LEKR1: variants seen among roughly 807,000 people sequenced by gnomAD.
LEKR1 encodes leucine, glutamate and lysine rich 1.
LEKR1 carries 59 observed loss-of-function variants against 72.4 expected under a neutral mutation model. The ratio of observed to expected loss-of-function variants is 0.82; its 90% confidence interval spans 0.66 to 1.01. The LOEUF is 1.01. LEKR1 is among the 50% of genes least tolerant of loss of function. The pLI is 0.00. For synonymous variants in LEKR1, 257 were observed against 263.2 expected (o/e 0.98, Z 0.23); for missense variants, 728 against 759.2 (o/e 0.96, Z 0.48).
At chr3:157,040,570 G>A (rs1735275823) in intron 12 of LEKR1, among the ~76,000 whole-genome samples, 1 of 152,200 alleles carries the variant, frequency 6.6e-6, no homozygotes, top group Non-Finnish European at 1.5e-5. Context: ...GCCTTTGAAT[G>A]GAAGCTGGGA....
intron 6 of LEKR1, among the ~76,000 whole-genome samples, chr3:156,960,718 G>A (rs914440174): frequency 1.3e-5 from 2 of 151,776 alleles, no homozygotes. Flanking sequence ...GTTAATTCTG[G>A]TGCATATAGT....
At chr3:156,831,835 A>G (rs777362808) in intron 2 of LEKR1, among the ~76,000 whole-genome samples, 1 of 152,230 alleles carries the variant, frequency 6.6e-6, no homozygotes, top group Non-Finnish European at 1.5e-5. Context: ...GCCAAACCAT[A>G]TCAAATGACC....
At chr3:156,892,682 A>C (rs180744429) in intron 3 of LEKR1, among the ~76,000 whole-genome samples, 4 of 152,164 alleles carry the variant, frequency 2.6e-5, no homozygotes, top group African/African-American at 2.4e-5. Flanking sequence ...TTACCATTCA[A>C]CTTCCTTGAC....
At chr3:156,989,602 T>C (rs1730986878) in intron 7 of LEKR1, among the ~76,000 whole-genome samples, 1 of 152,228 alleles carries the variant, frequency 6.6e-6, no homozygotes, top group Non-Finnish European at 1.5e-5. Flanking sequence ...TTTGCCCATT[T>C]TTCTAACTGT....
chr3:156,903,395 C>T (rs1172340651), intron 3 of LEKR1, among the ~76,000 whole-genome samples: 1 of 151,846 alleles, frequency 6.6e-6, no homozygotes, highest in Non-Finnish European at 1.5e-5. Flanking sequence ...TAACTGTATA[C>T]TTCCCATTTT....
chr3:156,844,896 G>C (rs1264934501), intron 2 of LEKR1, among the ~76,000 whole-genome samples: 1 of 123,466 alleles, frequency 8.1e-6, no homozygotes, highest in East Asian at 2.4e-4. Flanking sequence ...ATGTTATATA[G>C]TAACTACAGG....
chr3:156,851,267 C>T (rs956931060), intron 2 of LEKR1: 1 of 152,166 alleles, frequency 6.6e-6, no homozygotes, highest in South Asian at 2.1e-4. Context: ...TTAGAAAGAC[C>T]TTCATGTGAA....
chr3:156,908,946 C>T lies in LEKR1; in HGVS notation c.264-11629C>T, dbSNP rs144967191. On this transcript the variant is annotated intron_variant, in intron 3 of 12. Transcript: ENST00000356539. ...CTTGAATTGTAGCTCCCATAATTCCCACATGTTGTGGAAGGGACACAGTGG... is the reference window on the plus strand; with the variant it reads ...CTTGAATTGTAGCTCCCATAATTCCTACATGTTGTGGAAGGGACACAGTGG... Among the ~76,000 whole-genome samples, 335 of 152,278 alleles carry T rather than the reference C, an allele frequency of 2.2e-3. 2 individuals carry two copies. Among genetic ancestry groups the T allele is most frequent in the African/African-American group, 7.7e-3 (320 of 41,552 alleles).
intron 6 of LEKR1, among the ~76,000 whole-genome samples, chr3:156,965,927 T>C (rs1192415888): frequency 6.6e-6 from 1 of 152,216 alleles, no homozygotes; most frequent in African/African-American, 2.4e-5. Context: ...AATGAGATAT[T>C]ACTTTTGTAA....
chr3:156,882,815 T>C (rs1365135465), intron 3 of LEKR1, among the ~76,000 whole-genome samples: 2 of 151,886 alleles, frequency 1.3e-5, no homozygotes, highest in Non-Finnish European at 2.9e-5. Context: ...TGGAATACTA[T>C]GCAGCCATAA....
Position 157,011,465 on chromosome 3 carries a change from C to T in LEKR1, c.1162C>T (p.Leu388Phe). The T allele has an allele frequency of 6.2e-7, 1 of 1,613,162 alleles. No individual in the cohort carries two copies. Among genetic ancestry groups the T allele is most frequent in the East Asian group, 2.2e-5 (1 of 44,852 alleles). The change falls in exon 10 of 13, where the codon CTT becomes TTT. Residue 388 changes from leucine to phenylalanine, a missense_variant. Physicochemically the swap from Leu to Phe is conservative, Grantham distance 22. Transcript: ENST00000356539. Reference sequence around the variant, plus strand: ...AAGCATCGAGCAGCTGCAAGAAACCCTTAGACAGAAGCTGCTGAGTGATGA... The same window carrying T: ...AAGCATCGAGCAGCTGCAAGAAACCTTTAGACAGAAGCTGCTGAGTGATGA... ...QKSIEQLQETLRQKLLSDDNW... is the reference protein window; with the variant it reads ...QKSIEQLQETFRQKLLSDDNW...
intron 7 of LEKR1, among the ~76,000 whole-genome samples, chr3:156,984,975 A>G (rs1163204793): frequency 6.6e-6 from 1 of 151,836 alleles, no homozygotes; most frequent in African/African-American, 2.4e-5. Context: ...TTTTCCTCTC[A>G]CCTTCCTGTT....
intron 3 of LEKR1, among the ~76,000 whole-genome samples, chr3:156,870,207 A>C (rs1717766765): frequency 6.6e-6 from 1 of 151,790 alleles, no homozygotes; most frequent in Non-Finnish European, 1.5e-5. Flanking sequence ...GTTCCACGCA[A>C]ATTTTAAGAT....
At chr3:156,888,311 G>C (rs777338797) in intron 3 of LEKR1, 2 of 702,144 alleles carry the variant, frequency 2.8e-6, no homozygotes, top group South Asian at 3.0e-5. Flanking sequence ...ATATACTTCA[G>C]ACTCATGCTT....
At chr3:156,974,529 A>G (rs1437666849) in intron 6 of LEKR1, among the ~76,000 whole-genome samples, 2 of 152,048 alleles carry the variant, frequency 1.3e-5, no homozygotes, top group South Asian at 2.1e-4. Flanking sequence ...CTCCCTATTC[A>G]TGGAATCAAA....
At chr3:156,937,382 C>T (rs747974284) in intron 5 of LEKR1, among the ~76,000 whole-genome samples, 13 of 151,854 alleles carry the variant, frequency 8.6e-5, no homozygotes, top group Middle Eastern at 3.4e-3. Flanking sequence ...GAAATTTAAC[C>T]GAAGATGATA....
At chr3:156,872,854 G>T (rs1416111891) in intron 3 of LEKR1, among the ~76,000 whole-genome samples, 1 of 151,952 alleles carries the variant, frequency 6.6e-6, no homozygotes, top group African/African-American at 2.4e-5. Flanking sequence ...ATTATTTTGT[G>T]TCTTAACATA....
intron 1 of LEKR1, among the ~76,000 whole-genome samples, chr3:156,827,499 C>A (rs1711779584): frequency 6.6e-6 from 1 of 152,228 alleles, no homozygotes; most frequent in African/African-American, 2.4e-5. Flanking sequence ...AGCCCTCTTA[C>A]ATGAGGACAC....
At chr3:156,966,192 C>T (rs1576911862) in intron 6 of LEKR1, among the ~76,000 whole-genome samples, 2 of 152,042 alleles carry the variant, frequency 1.3e-5, no homozygotes, top group African/African-American at 4.8e-5. Context: ...TCCACAGCTC[C>T]CAGCATGAGT....
Sources: gnomAD v4.1 joint callset for allele counts (sites outside exome capture counted in the v4.1 genomes callset) on GRCh38, gnomAD v4.1.1 for gene constraint, MANE v1.5 for transcripts, NCBI Gene and HGNC (gene_info 2026-07-23, HGNC 2026-07-21) for gene names.